Variants in UBE2H observed in about 807,000 individuals in gnomAD.
The protein encoded by UBE2H is ubiquitin conjugating enzyme E2 H.
A neutral mutation model predicts 29.0 loss-of-function variants in UBE2H; 3 were observed. The ratio of observed to expected loss-of-function variants is 0.10; its 90% CI spans 0.05 to 0.27. The LOEUF (loss-of-function observed/expected upper bound fraction) is 0.27. UBE2H is among the 10% of genes least tolerant of loss of function. The pLI, the probability that UBE2H is intolerant of heterozygous loss-of-function variation, is 1.00. For synonymous variants in UBE2H, 69 were observed against 82.9 expected (o/e 0.83, Z 0.91); for missense variants, 68 against 228.2 (o/e 0.30, Z 4.52).
chr7:129,940,998 A>T (rs1807631007), intron 1 of UBE2H, among the ~76,000 whole-genome samples: 1 of 152,232 alleles, frequency 6.6e-6, no homozygotes, highest in African/African-American at 2.4e-5. Flanking sequence ...TCTGTTGCCC[A>T]GGCTGTAGTA....
intron 1 of UBE2H, among the ~76,000 whole-genome samples, chr7:129,927,775 G>C (rs1807300842): frequency 6.6e-6 from 1 of 152,084 alleles, no homozygotes; most frequent in Admixed American, 6.6e-5. Flanking sequence ...TAATTTCATA[G>C]AAATGGAGCA....
In UBE2H at chr7:129,880,665, G is replaced by C. The variant is rs59326616; in HGVS notation, c.130+230C>G. ...TATGTCATCTTATAAAGGGACTTGAGCATCTGTGGATTTTGGTATGAGGTG... is the reference window on the plus strand; with the variant it reads ...TATGTCATCTTATAAAGGGACTTGACCATCTGTGGATTTTGGTATGAGGTG... On this transcript the variant is annotated intron_variant, in intron 2 of 6. Coordinates refer to ENST00000355621, the MANE Select transcript of UBE2H (RefSeq NM_003344.4). 6.8e-3 allele frequency among the ~76,000 whole-genome samples: 1,027 copies of C among 151,798 alleles called. 11 individuals carry two copies. The highest frequency in any genetic ancestry group is 0.024 in the African/African-American group (970 of 41,244).
chr7:129,903,970 G>C (rs140741412), intron 1 of UBE2H, among the ~76,000 whole-genome samples: 1 of 152,296 alleles, frequency 6.6e-6, no homozygotes, highest in African/African-American at 2.4e-5. Context: ...TTCCAGAAAA[G>C]AATGTGCAAA....
intron 1 of UBE2H, among the ~76,000 whole-genome samples, chr7:129,907,041 C>G (rs1806832366): frequency 6.6e-6 from 1 of 152,144 alleles, no homozygotes; most frequent in South Asian, 2.1e-4. Flanking sequence ...GAGTACTATT[C>G]TCCCCAGTAG....
intron 1 of UBE2H, among the ~76,000 whole-genome samples, chr7:129,939,343 T>C (rs1807596089): frequency 6.6e-6 from 1 of 152,162 alleles, no homozygotes; most frequent in Non-Finnish European, 1.5e-5. Flanking sequence ...CCAGCGAAAG[T>C]GAGCATTTGT....
chr7:129,855,878 C>CA (rs1805696223), intron 5 of UBE2H, among the ~76,000 whole-genome samples: 1 of 152,044 alleles, frequency 6.6e-6, no homozygotes, highest in Non-Finnish European at 1.5e-5. Context: ...GCCTGGGCAA[C>CA]AGAGTGCAAC....
intron 1 of UBE2H, among the ~76,000 whole-genome samples, chr7:129,928,131 G>C (rs2116485919): frequency 6.6e-6 from 1 of 150,566 alleles, no homozygotes; most frequent in Admixed American, 6.6e-5. Context: ...TGGGGTTCAA[G>C]ACCATCCTGG....
At chr7:129,878,474 G>A (rs533268557) in intron 3 of UBE2H, among the ~76,000 whole-genome samples, 1 of 151,866 alleles carries the variant, frequency 6.6e-6, no homozygotes, top group South Asian at 2.1e-4. Context: ...ACGAGGTCAG[G>A]AGATCAAGAC....
At chr7:129,929,193 G>A (rs929000048) in intron 1 of UBE2H, among the ~76,000 whole-genome samples, 47 of 151,946 alleles carry the variant, frequency 3.1e-4, no homozygotes, top group African/African-American at 1.0e-3. Context: ...GGCACATGCC[G>A]GTAATCCCAG....
intron 5 of UBE2H, among the ~76,000 whole-genome samples, chr7:129,854,283 A>T (rs1022982469): frequency 6.6e-6 from 1 of 152,184 alleles, no homozygotes; most frequent in Middle Eastern, 3.2e-3. Context: ...CTGAACGAAC[A>T]TATTCTACCA....
intron 5 of UBE2H, among the ~76,000 whole-genome samples, chr7:129,847,820 G>C (rs1157827288): frequency 6.6e-6 from 1 of 152,036 alleles, no homozygotes; most frequent in African/African-American, 2.4e-5. Flanking sequence ...GGAGTAGGTT[G>C]ACTCTAACGC....
chr7:129,951,828 C>CG (rs1807881720), intron 1 of UBE2H, among the ~76,000 whole-genome samples: 1 of 152,076 alleles, frequency 6.6e-6, no homozygotes, highest in Admixed American at 6.5e-5. Flanking sequence ...CTGGAGGGCC[C>CG]GGGGGTCTTC....
chr7:129,926,339 T>C (rs1298205652), intron 1 of UBE2H, among the ~76,000 whole-genome samples: 2 of 151,568 alleles, frequency 1.3e-5, no homozygotes, highest in Non-Finnish European at 2.9e-5. Flanking sequence ...GAGAAACCCC[T>C]TCTCTACTAA....
chr7:129,928,787 A>AAT (rs1304440651), intron 1 of UBE2H, among the ~76,000 whole-genome samples: 10 of 152,056 alleles, frequency 6.6e-5, no homozygotes, highest in African/African-American at 2.2e-4. Flanking sequence ...ATTAAAACTA[A>AAT]ATATATATAT....
intron 3 of UBE2H, among the ~76,000 whole-genome samples, chr7:129,872,888 G>T (rs1485962998): frequency 6.8e-6 from 1 of 147,902 alleles, no homozygotes; most frequent in Non-Finnish European, 1.5e-5. Flanking sequence ...ATGGCACACT[G>T]GTTATCAGAG....
At chr7:129,881,540 C>T (rs960180603) in intron 1 of UBE2H, among the ~76,000 whole-genome samples, 1 of 152,046 alleles carries the variant, frequency 6.6e-6, no homozygotes, top group Admixed American at 6.6e-5. Flanking sequence ...CCCAGCTACT[C>T]AGGAGGCCGA....
At chr7:129,886,314 T>C (rs924464782) in intron 1 of UBE2H, among the ~76,000 whole-genome samples, 2 of 152,196 alleles carry the variant, frequency 1.3e-5, no homozygotes, top group Non-Finnish European at 2.9e-5. Flanking sequence ...ACCTACCACA[T>C]TATTTTCCTG....
intron 5 of UBE2H, among the ~76,000 whole-genome samples, chr7:129,855,808 G>A (rs1805694843): frequency 6.6e-6 from 1 of 152,178 alleles, no homozygotes; most frequent in Non-Finnish European, 1.5e-5. Context: ...GAGATGGGAG[G>A]ACTGTTCGAG....
intron 6 of UBE2H, among the ~76,000 whole-genome samples, chr7:129,835,266 T>A (rs761705085): frequency 1.3e-5 from 2 of 152,140 alleles, no homozygotes; most frequent in African/African-American, 4.8e-5. Context: ...TTTTGCCCCC[T>A]GAGGAAAGGG....
Sources: gnomAD v4.1 joint callset for allele counts (sites outside exome capture counted in the v4.1 genomes callset) on GRCh38, gnomAD v4.1.1 for gene constraint, MANE v1.5 for transcripts, NCBI Gene and HGNC (gene_info 2026-07-23, HGNC 2026-07-21) for gene names.